IGF1R: variants seen among roughly 807,000 people sequenced by gnomAD.
IGF1R encodes the protein insulin like growth factor 1 receptor.
Under a neutral mutation model 144.6 loss-of-function variants are expected in IGF1R, and 44 were observed. That is an observed-to-expected ratio of 0.30 (90% confidence interval 0.24 to 0.39). The LOEUF (loss-of-function observed/expected upper bound fraction) is 0.39. Ranked by LOEUF, IGF1R falls within the 10% of genes least tolerant of loss-of-function variation. The pLI, the probability that IGF1R is intolerant of heterozygous loss-of-function variation, is 1.00. For missense variants in IGF1R, 1,355 were observed against 1,833.7 expected (o/e 0.74, Z 4.77); for synonymous variants, 795 against 722.8 (o/e 1.10, Z -1.60).
chr15:98,900,929 G>A (rs924067951), intron 5 of IGF1R, among the ~76,000 whole-genome samples: 1 of 151,290 alleles, frequency 6.6e-6, no homozygotes, highest in East Asian at 1.9e-4. Context: ...ATACTTTTTT[G>A]TTTCTAGACT....
rs142193420 is a variant in IGF1R at position 98,765,664 on chromosome 15, C to T, written c.640+57557C>T. Among the ~76,000 whole-genome samples the T allele has an allele frequency of 4.0e-3, 609 of 152,110 alleles. 2 individuals are homozygous for T. The highest frequency in any genetic ancestry group is 0.014 in the African/African-American group (593 of 41,482). On this transcript the variant is annotated intron_variant, in intron 2 of 20. Coordinates refer to ENST00000650285, the MANE Select transcript of IGF1R (RefSeq NM_000875.5). ...ATTTAGAAGTATGTTGAGAATACATCCCAATAATAGAAGTGAAAGCTCTTT... is the reference window on the plus strand; with the variant it reads ...ATTTAGAAGTATGTTGAGAATACATTCCAATAATAGAAGTGAAAGCTCTTT...
At chr15:98,807,334 T>C (rs528591465) in intron 2 of IGF1R, among the ~76,000 whole-genome samples, 11 of 152,374 alleles carry the variant, frequency 7.2e-5, no homozygotes, top group African/African-American at 2.4e-4. Context: ...TTCTTTGTCC[T>C]TTGGGACTTT....
chr15:98,919,444 C>CT (rs2151687016), intron 10 of IGF1R, among the ~76,000 whole-genome samples: 1 of 152,330 alleles, frequency 6.6e-6, no homozygotes, highest in Non-Finnish European at 1.5e-5. Flanking sequence ...AAAGATTTTG[C>CT]TGAAAGGCCC....
At chr15:98,845,443 C>T (rs1386886509) in intron 2 of IGF1R, among the ~76,000 whole-genome samples, 1 of 105,012 alleles carries the variant, frequency 9.5e-6, no homozygotes, top group Non-Finnish European at 2.0e-5. Flanking sequence ...CTCCCTCCTC[C>T]TCCTCCCCTC....
At chr15:98,700,517 A>T (rs1360041317) in intron 1 of IGF1R, among the ~76,000 whole-genome samples, 1 of 152,054 alleles carries the variant, frequency 6.6e-6, no homozygotes, top group African/African-American at 2.4e-5. Context: ...TTAGAAACAA[A>T]TTTTGGGGCC....
At position 98,958,811 on chromosome 15, in the gene IGF1R, T is replaced by C. The variant is rs2017113700; in HGVS notation, c.*1369T>C. 8.6e-6 allele frequency: 2 copies of C among 233,310 alleles called. No homozygotes were observed. The highest frequency in any genetic ancestry group is 1.8e-4 in the South Asian group (1 of 5,520). The allele number at this position is 233,310 out of a possible 1,614,324, so 14.5% of individuals were successfully genotyped here. A position where few individuals can be genotyped will look rare whatever the true frequency, so the allele number is the denominator to read the frequency against. ...GCTCACTCCAAGAAACTTCTTATGC[T>C]TTGTACTAGAGTGCGTGACTTTCTT... On this transcript the variant is annotated 3_prime_UTR_variant, in exon 21 of 21. Transcript: ENST00000650285.
intron 1 of IGF1R, among the ~76,000 whole-genome samples, chr15:98,699,474 A>G (rs1037512162): frequency 2.6e-5 from 4 of 152,232 alleles, no homozygotes; most frequent in African/African-American, 9.7e-5. Flanking sequence ...GGATATTTTA[A>G]GATGAGAAAG....
intron 5 of IGF1R, among the ~76,000 whole-genome samples, chr15:98,905,224 C>A (rs1275641612): frequency 3.3e-5 from 5 of 152,166 alleles, no homozygotes; most frequent in Admixed American, 6.5e-5. Flanking sequence ...CTGTTCCCAT[C>A]CTGTGTGGTC....
intron 20 of IGF1R, among the ~76,000 whole-genome samples, chr15:98,956,501 C>T (rs1240207674): frequency 1.3e-5 from 2 of 152,190 alleles, no homozygotes; most frequent in African/African-American, 2.4e-5. Context: ...GTGTTGCAAG[C>T]CTGGCCTCAC....
At position 98,958,319 on chromosome 15, in the gene IGF1R, C is replaced by T. The variant is rs949516053; in HGVS notation, c.*877C>T. The T allele has an allele frequency of 9.0e-6, 2 of 222,764 alleles. No homozygotes were observed. The highest frequency in any genetic ancestry group is 5.7e-5 in the Admixed American group (1 of 17,394). The allele number at this position is 222,764 out of a possible 1,614,324, so 13.8% of individuals were successfully genotyped here. A position where few individuals can be genotyped will look rare whatever the true frequency, so the allele number is the denominator to read the frequency against. On this transcript the variant is annotated 3_prime_UTR_variant, in exon 21 of 21. Transcript: ENST00000650285. ...GCCTCCCCAGCCCCCTGCCCAACCC[C>T]CAAGAATCTGGTGGCCATGGGCCCC...
chr15:98,750,290 C>T (rs993320056), intron 2 of IGF1R, among the ~76,000 whole-genome samples: 2 of 152,130 alleles, frequency 1.3e-5, no homozygotes, highest in South Asian at 2.1e-4. Flanking sequence ...CTCCCTGTTT[C>T]CCTGTGCCCT....
intron 2 of IGF1R, among the ~76,000 whole-genome samples, chr15:98,760,733 T>C (rs1318661736): frequency 6.6e-6 from 1 of 152,166 alleles, no homozygotes; most frequent in Admixed American, 6.5e-5. Context: ...TTCAGTTCCA[T>C]GTAGGAGGTT....
chr15:98,881,143 C>T (rs373209113), intron 2 of IGF1R, among the ~76,000 whole-genome samples: 1 of 152,162 alleles, frequency 6.6e-6, no homozygotes, highest in African/African-American at 2.4e-5. Context: ...GATGCCTGAC[C>T]CTTTTCCAGA....
intron 2 of IGF1R, among the ~76,000 whole-genome samples, chr15:98,727,835 C>T (rs1488814774): frequency 2.0e-5 from 3 of 152,062 alleles, no homozygotes; most frequent in African/African-American, 7.2e-5. Flanking sequence ...GGCCCTGGTG[C>T]GCTGTCACCC....
chr15:98,764,123 ATCT>A (rs2055375039), intron 2 of IGF1R, among the ~76,000 whole-genome samples: 1 of 152,258 alleles, frequency 6.6e-6, no homozygotes, highest in South Asian at 2.1e-4. Context: ...TTAACACCTC[ATCT>A]TCTTTCAGCC....
Position 98,770,300 on chromosome 15 carries a change from G to A in IGF1R, c.640+62193G>A, listed in dbSNP as rs568778967. Among the ~76,000 whole-genome samples the A allele has an allele frequency of 2.0e-5, 3 of 152,324 alleles. No individual in the cohort carries two copies. In the East Asian group the frequency reaches 5.8e-4, roughly 29 times the overall value. On this transcript the variant is annotated intron_variant, in intron 2 of 20. Coordinates refer to ENST00000650285, the MANE Select transcript of IGF1R (RefSeq NM_000875.5). The stretch of plus-strand genomic sequence containing the variant: ...TGGGAGCAAAAAAAGTTGATCTCTT[G>A]GAGGTAGAGAGTAGAGTGATGGTTA...
chr15:98,898,597 A>G (rs1316367096), intron 4 of IGF1R, among the ~76,000 whole-genome samples: 1 of 152,234 alleles, frequency 6.6e-6, no homozygotes, highest in African/African-American at 2.4e-5. Flanking sequence ...GTAGGGCTTT[A>G]TCCTTTAGTA....
At chr15:98,862,558 C>CT (rs1334418845) in intron 2 of IGF1R, among the ~76,000 whole-genome samples, 1 of 152,184 alleles carries the variant, frequency 6.6e-6, no homozygotes, top group East Asian at 1.9e-4. Flanking sequence ...TATCTCTAAA[C>CT]TAGGGATTCA....
chr15:98,921,550 A>G (rs1455914896), intron 10 of IGF1R, among the ~76,000 whole-genome samples: 16 of 151,966 alleles, frequency 1.1e-4, no homozygotes, highest in Admixed American at 1.0e-3. Flanking sequence ...GCAAGCACAG[A>G]CGCTTGGGGT....
Sources: allele counts gnomAD v4.1 joint callset (sites outside exome capture counted in the v4.1 genomes callset), GRCh38; gene constraint gnomAD v4.1.1; transcripts MANE v1.5; gene names NCBI Gene and HGNC (gene_info 2026-07-23, HGNC 2026-07-21).